PSME4: variants seen among roughly 807,000 people sequenced by gnomAD.
PSME4 encodes the protein proteasome activator complex subunit 4.
PSME4 carries 89 observed loss-of-function variants against 253.9 expected under a neutral mutation model. The observed-to-expected ratio is 0.35, with a 90% confidence interval of 0.30 to 0.42. PSME4 has a LOEUF of 0.42. Among genes scored for constraint, PSME4 ranks in the 10% least tolerant of loss-of-function variants. PSME4 has a pLI of 1.00. For missense variants in PSME4, 2,014 were observed against 2,195.2 expected (o/e 0.92, Z 1.65); for synonymous variants, 851 against 759.2 (o/e 1.12, Z -1.99).
intron 13 of PSME4, 99 bp from the exon 14 acceptor site, chr2:53,925,788 G>C (rs543665760): frequency 1.5e-6 from 2 of 1,332,608 alleles, no homozygotes; most frequent in Non-Finnish European, 2.1e-6. Flanking sequence ...TTATTCAAGT[G>C]ATAGCTACTT....
At chr2:53,888,660 T>C in intron 38 of PSME4, 61 bp downstream of exon 38, 2 of 1,178,194 alleles carry the variant, frequency 1.7e-6, no homozygotes, top group Non-Finnish European at 2.5e-6. Context: ...CATTTCCATT[T>C]ATACATAAGT....
At chr2:53,892,672 G>T in intron 36 of PSME4, 136 bp downstream of exon 36, 1 of 722,616 alleles carries the variant, frequency 1.4e-6, no homozygotes, top group East Asian at 2.9e-5. Flanking sequence ...CAAAAGCAAT[G>T]TCTACATATC....
intron 40 of PSME4, 142 bp from the exon 41 acceptor site, chr2:53,885,917 T>G (rs1679615246): frequency 1.9e-6 from 1 of 520,478 alleles, no homozygotes; most frequent in African/African-American, 1.9e-5. Flanking sequence ...TGTTACTTCA[T>G]AAATTAGACA....
intron 1 of PSME4, among the ~76,000 whole-genome samples, chr2:53,961,855 A>C (rs552118182): frequency 8.4e-4 from 128 of 152,254 alleles, no homozygotes; most frequent in Non-Finnish European, 1.6e-3. Flanking sequence ...AGGGTCATTT[A>C]TAACCCGAAG....
At chr2:53,925,259 T>G (rs187546002) in intron 14 of PSME4, among the ~76,000 whole-genome samples, 11 of 152,344 alleles carry the variant, frequency 7.2e-5, no homozygotes, top group Admixed American at 3.3e-4. Context: ...CCTCGTTTGC[T>G]CTCAGCTGAG....
chr2:53,952,819 C>T (rs2104479866), intron 1 of PSME4, among the ~76,000 whole-genome samples: 1 of 152,348 alleles, frequency 6.6e-6, no homozygotes, highest in Admixed American at 6.5e-5. Flanking sequence ...CGCCTGTCCA[C>T]TGCTCACCTC....
At chr2:53,887,533 G>A (rs994705502) in intron 39 of PSME4, 66 bp from the exon 40 acceptor site, 6 of 1,390,546 alleles carry the variant, frequency 4.3e-6, no homozygotes, top group Non-Finnish European at 6.0e-6. Context: ...AGGTTCAAAA[G>A]TTATGACCCA....
At position 53,940,958 on chromosome 2, in the gene PSME4, T is replaced by A. The variant is rs58198742; in HGVS notation, c.501-958A>T. On this transcript the variant is annotated intron_variant, in intron 3 of 46. Transcript: ENST00000404125. Reference sequence around the variant, plus strand: ...ATATATAAATATATATATACATATATATATATATATATATATATATATATA... The same window carrying A: ...ATATATAAATATATATATACATATAAATATATATATATATATATATATATA... Among the ~76,000 whole-genome samples, 469 of 49,588 alleles carry A rather than the reference T, an allele frequency of 9.5e-3. 17 individuals are homozygous for A. The highest frequency in any genetic ancestry group is 0.039 in the South Asian group (47 of 1,194). 32.5% of individuals were successfully genotyped at this position (49,588 alleles called of 152,430 possible).
At chr2:53,969,258 G>C (rs1670906466) in intron 1 of PSME4, among the ~76,000 whole-genome samples, 1 of 152,198 alleles carries the variant, frequency 6.6e-6, no homozygotes, top group South Asian at 2.1e-4. Context: ...CTCTAGTCAA[G>C]GGGAGAGCTG....
chr2:53,887,808 AAAAC>A lies in PSME4; in HGVS notation c.4520+46_4520+49del, dbSNP rs531811786. 2.4e-4 allele frequency: 357 copies of A among 1,504,570 alleles called. 1 individual carries two copies. Among genetic ancestry groups the A allele is most frequent in the African/African-American group, 2.3e-3 (163 of 71,136 alleles). The allele number at this position is 1,504,570 out of a possible 1,614,324, so 93.2% of individuals were successfully genotyped here. A position where few individuals can be genotyped will look rare whatever the true frequency, so the allele number is the denominator to read the frequency against. On this transcript the variant is annotated intron_variant, in intron 39 of 46. Transcript: ENST00000404125. Reference sequence around the variant, plus strand: ...ATTATTACCTATTACAATTTAAAAAAAAACAAACAAAGAACTCGAGAGGTACACC... The same window carrying A: ...ATTATTACCTATTACAATTTAAAAAAAAACAAAGAACTCGAGAGGTACACC...
chr2:53,909,956 TGAGA>T (rs1667755882), intron 21 of PSME4, 115 bp downstream of exon 21: 1 of 892,832 alleles, frequency 1.1e-6, no homozygotes, highest in Non-Finnish European at 1.9e-6. Context: ...GGAGACAGAG[TGAGA>T]CTCTGTCTCA....
In PSME4 at chr2:53,887,358, G is replaced by C. The variant is rs1403496576; in HGVS notation, c.4630C>G (p.Leu1544Val). The change falls in exon 40 of 47, where the codon CTC becomes GTC. Residue 1544 changes from leucine (L) to valine (V), a missense_variant. By Grantham distance (32) the Leu-to-Val change is conservative (BLOSUM62 1). Transcript: ENST00000404125. ...TARILEKLKPLMDVDEEIQNH... is the reference protein window; with the variant it reads ...TARILEKLKPVMDVDEEIQNH... ...TGAATTTCTTCATCCACATCCATGA[G>C]AGGTTTCAATTTCTCCAGAATTCGA... The C allele has an allele frequency of 6.2e-7, 1 of 1,613,854 alleles. No individual in the cohort carries two copies. The highest frequency in any genetic ancestry group is 1.1e-5 in the South Asian group (1 of 91,076).
At position 53,876,409 on chromosome 2, in the gene PSME4, T is replaced by C. The variant is rs189748118; in HGVS notation, c.4816-654A>G. ...CCTTGGCCCCAGTAAGTCTTATAAA[T>C]TGGCTATTAGATGTAAAGGTCTGAC... On this transcript the variant is annotated intron_variant, in intron 41 of 46. Coordinates refer to ENST00000404125, the MANE Select transcript of PSME4 (RefSeq NM_014614.3). Among the ~76,000 whole-genome samples the C allele has an allele frequency of 3.3e-5, 5 of 152,294 alleles. No homozygotes were observed. The East Asian group carries it at 7.7e-4, about 23-fold the overall frequency.
At chr2:53,965,884 G>T (rs1573390501) in intron 1 of PSME4, among the ~76,000 whole-genome samples, 5 of 151,772 alleles carry the variant, frequency 3.3e-5, no homozygotes, top group Admixed American at 2.6e-4. Flanking sequence ...ATGTTGGTGA[G>T]GCTGGTCTCG....
intron 26 of PSME4, among the ~76,000 whole-genome samples, chr2:53,904,570 A>G (rs1301924051): frequency 2.0e-5 from 3 of 152,268 alleles, no homozygotes; most frequent in African/African-American, 4.8e-5. Context: ...AAACCAAAAC[A>G]GACACATAAC....
At chr2:53,888,461 A>G in intron 38 of PSME4, 1 of 360,050 alleles carries the variant, frequency 2.8e-6, no homozygotes, top group Non-Finnish European at 5.0e-6. Flanking sequence ...GACAATTCTG[A>G]TAAAATATTT....
intron 33 of PSME4, 131 bp from the exon 34 acceptor site, chr2:53,895,207 T>C (rs967592375): frequency 1.8e-5 from 13 of 716,282 alleles, no homozygotes; most frequent in African/African-American, 1.6e-4. Flanking sequence ...AGTACAGCAG[T>C]AACAGTCTAG....
In PSME4 at chr2:53,958,914, A is replaced by G. The variant is rs564644858; in HGVS notation, c.243-9631T>C. 2.6e-5 allele frequency among the ~76,000 whole-genome samples: 4 copies of G among 152,276 alleles called. No homozygotes were observed. The South Asian group carries it at 6.2e-4, about 24-fold the overall frequency. On this transcript the variant is annotated intron_variant, in intron 1 of 46. Transcript: ENST00000404125. The stretch of plus-strand genomic sequence containing the variant: ...TTGTTCCATTCAAATTACCAACAAA[A>G]AAATTAATTGAAAATTTCTCAAAGA...
In PSME4 at chr2:53,901,462, G is replaced by A; in HGVS notation, c.3173C>T (p.Ser1058Phe). 2 of 1,614,012 alleles carry A rather than the reference G, an allele frequency of 1.2e-6. No homozygotes were observed. The highest frequency in any genetic ancestry group is 1.1e-5 in the South Asian group (1 of 91,078). Reference sequence around the variant, plus strand: ...GGACATTGCTTGGCTAAGCCCTGAAGAAACAATCGCTGGCCACGTCTGTAC... The same window carrying A: ...GGACATTGCTTGGCTAAGCCCTGAAAAAACAATCGCTGGCCACGTCTGTAC... ...CIVQTWPAIV[S>F]SGLSQAMSLE... Residue 1058 changes from serine (S) to phenylalanine (F), a missense_variant, in exon 28 of 47, where the codon TCT becomes TTT. Coordinates refer to ENST00000404125, the MANE Select transcript of PSME4 (RefSeq NM_014614.3).
Sources: gnomAD v4.1 joint callset for allele counts (sites outside exome capture counted in the v4.1 genomes callset) on GRCh38, gnomAD v4.1.1 for gene constraint, MANE v1.5 for transcripts, NCBI Gene and HGNC (gene_info 2026-07-23, HGNC 2026-07-21) for gene names.